The following ADAM22 variants were observed in gnomAD, a reference collection of about 807,000 sequenced individuals.
The protein encoded by ADAM22 is ADAM metallopeptidase domain 22.
In ADAM22, 65 loss-of-function variants were observed where a neutral mutation model predicts 144.6. The observed-to-expected ratio is 0.45, with a 90% CI of 0.37 to 0.55. The LOEUF (loss-of-function observed/expected upper bound fraction) is 0.55. ADAM22 is among the 20% of genes least tolerant of loss of function. The pLI is 0.00. For missense variants in ADAM22, 974 were observed against 1,184.9 expected, an observed-to-expected ratio of 0.82 and a Z score of 2.61; for synonymous variants, 391 against 412.6, an observed-to-expected ratio of 0.95 and a Z score of 0.63.
intron 7 of ADAM22, among the ~76,000 whole-genome samples, chr7:88,122,944 T>A (rs1351226898): frequency 6.6e-6 from 1 of 152,196 alleles, no homozygotes; most frequent in Non-Finnish European, 1.5e-5. Flanking sequence ...GTTTTATCAG[T>A]CTGCTATTCT....
At chr7:88,047,882 A>G (rs1805092354) in intron 3 of ADAM22, among the ~76,000 whole-genome samples, 1 of 152,120 alleles carries the variant, frequency 6.6e-6, no homozygotes, top group African/African-American at 2.4e-5. Flanking sequence ...TATACATTTA[A>G]ATAAAATTAT....
chr7:88,028,455 T>C (rs1799515824), intron 3 of ADAM22, among the ~76,000 whole-genome samples: 1 of 152,184 alleles, frequency 6.6e-6, no homozygotes, highest in African/African-American at 2.4e-5. Context: ...GTGTATTCTG[T>C]AGCTATTGGA....
intron 2 of ADAM22, among the ~76,000 whole-genome samples, chr7:87,971,173 G>A (rs1418084742): frequency 1.3e-5 from 2 of 151,986 alleles, no homozygotes; most frequent in Non-Finnish European, 2.9e-5. Context: ...ACTTTTAGAT[G>A]GAAATGGAAT....
At chr7:87,986,594 A>G (rs1398112497) in intron 3 of ADAM22, among the ~76,000 whole-genome samples, 1 of 152,188 alleles carries the variant, frequency 6.6e-6, no homozygotes, top group East Asian at 1.9e-4. Context: ...ATACTGTGCT[A>G]GGCTTGAGTT....
intron 4 of ADAM22, among the ~76,000 whole-genome samples, chr7:88,107,550 C>A (rs1250609777): frequency 6.6e-6 from 1 of 151,938 alleles, no homozygotes. Context: ...AACTTTGGTG[C>A]AAGGGTCACA....
At chr7:87,946,338 G>A (rs1843673402) in intron 2 of ADAM22, among the ~76,000 whole-genome samples, 1 of 152,154 alleles carries the variant, frequency 6.6e-6, no homozygotes, top group East Asian at 1.9e-4. Context: ...TGTTTACTCT[G>A]TTGATAGTTT....
intron 17 of ADAM22, 29 bp downstream of exon 17, chr7:88,145,536 G>T: frequency 6.5e-7 from 1 of 1,531,858 alleles, no homozygotes; most frequent in Non-Finnish European, 9.0e-7. Context: ...CCATTTGACA[G>T]AAAAAAAGGA....
At chr7:88,184,361 A>AG in intron 29 of ADAM22, 1 of 440,710 alleles carries the variant, frequency 2.3e-6, no homozygotes, top group South Asian at 1.6e-5. Context: ...GCATAAGCCC[A>AG]GGGGGCTCTG....
intron 3 of ADAM22, among the ~76,000 whole-genome samples, chr7:87,984,873 G>T (rs1854572269): frequency 6.6e-6 from 1 of 151,990 alleles, no homozygotes; most frequent in Non-Finnish European, 1.5e-5. Context: ...TGGAAACAGG[G>T]TTTCACCATG....
intron 2 of ADAM22, among the ~76,000 whole-genome samples, chr7:87,959,802 A>G (rs1212616572): frequency 6.6e-6 from 1 of 152,238 alleles, no homozygotes; most frequent in African/African-American, 2.4e-5. Context: ...TATGGCAACA[A>G]TACTGATTTT....
chr7:88,132,989 T>G (rs1832168424), intron 12 of ADAM22, 38 bp downstream of exon 12: 2 of 1,567,384 alleles, frequency 1.3e-6, no homozygotes, highest in Non-Finnish European at 1.8e-6. Flanking sequence ...AGTGGTATGA[T>G]GGCTGAAAAT....
Position 88,168,157 on chromosome 7 carries a change from A to G in ADAM22, c.2212A>G (p.Ile738Val), listed in dbSNP as rs1843368117. The G allele has an allele frequency of 1.9e-6, 3 of 1,613,212 alleles. No individual in the cohort carries two copies. The highest frequency in any genetic ancestry group is 1.1e-5 in the South Asian group (1 of 91,060). Reference protein sequence around the residue: ...SGNGVAGTNIIIGIIAGTILV... With the variant: ...SGNGVAGTNIVIGIIAGTILV... ...CTCAGGTGTTGCTGGCACCAATATC[A>G]TAATAGGCATAATTGCTGGCACCAT... The change falls in exon 25 of 32, where the codon ATA (isoleucine) becomes GTA (valine). Residue 738 changes from isoleucine to valine, a missense_variant. Transcript: ENST00000413139.
chr7:88,048,796 C>T (rs1289323491), intron 3 of ADAM22, among the ~76,000 whole-genome samples: 1 of 151,964 alleles, frequency 6.6e-6, no homozygotes, highest in Non-Finnish European at 1.5e-5. Flanking sequence ...ATATCTGTTT[C>T]CAGATTTTAT....
intron 3 of ADAM22, among the ~76,000 whole-genome samples, chr7:87,992,425 G>T (rs1317839286): frequency 6.6e-6 from 1 of 152,154 alleles, no homozygotes; most frequent in Non-Finnish European, 1.5e-5. Flanking sequence ...GGTAATGGAG[G>T]ACTGTCAAGG....
At chr7:87,982,621 T>C (rs2129449734) in intron 3 of ADAM22, among the ~76,000 whole-genome samples, 1 of 143,352 alleles carries the variant, frequency 7.0e-6, no homozygotes, top group East Asian at 2.1e-4. Flanking sequence ...CATTATTCAC[T>C]ACTTCCCCTA....
intron 4 of ADAM22, among the ~76,000 whole-genome samples, chr7:88,079,033 A>C (rs1319943501): frequency 1.3e-5 from 2 of 152,202 alleles, no homozygotes. Flanking sequence ...CAACTCCAAG[A>C]CACATAATTG....
chr7:88,077,717 G>T (rs1290710845), intron 4 of ADAM22, among the ~76,000 whole-genome samples: 2 of 152,180 alleles, frequency 1.3e-5, no homozygotes, highest in Admixed American at 6.5e-5. Flanking sequence ...GGCTCAGAGG[G>T]TCCTACACCC....
At chr7:88,195,915 A>T (rs1850592586) in intron 31 of ADAM22, among the ~76,000 whole-genome samples, 1 of 152,144 alleles carries the variant, frequency 6.6e-6, no homozygotes, top group African/African-American at 2.4e-5. Flanking sequence ...CACTTCCCTG[A>T]TGTCAGTGGT....
At chr7:88,039,464 A>AAAAAAATATATATATATATATAT in intron 3 of ADAM22, among the ~76,000 whole-genome samples, 1 of 76,378 alleles carries the variant, frequency 1.3e-5, no homozygotes, top group African/African-American at 4.7e-5. Context: ...AAAAAAAAAA[A>AAAAAAATATATATATATATATAT]ATATATATAT....
Sources: gnomAD v4.1 joint callset for allele counts (sites outside exome capture counted in the v4.1 genomes callset) on GRCh38, gnomAD v4.1.1 for gene constraint, MANE v1.5 for transcripts, NCBI Gene and HGNC (gene_info 2026-07-23, HGNC 2026-07-21) for gene names.